Variants in SYNE2 observed in about 807,000 individuals in gnomAD.
The protein encoded by SYNE2 is spectrin repeat containing nuclear envelope protein 2.
A neutral mutation model predicts 856.3 loss-of-function variants in SYNE2; 431 were observed. That is an observed-to-expected ratio of 0.50 (90% CI 0.47 to 0.55). SYNE2 has a LOEUF of 0.55. Among genes scored for constraint, SYNE2 ranks in the 20% least tolerant of loss-of-function variants. The pLI, the probability that SYNE2 is intolerant of heterozygous loss-of-function variation, is 0.00. For missense variants in SYNE2, 8,129 were observed against 8,023.2 expected (o/e 1.01, Z -0.50); for synonymous variants, 2,923 against 2,872.3 (o/e 1.02, Z -0.56).
At chr14:64,097,757 A>G (rs2097689059) in intron 61 of SYNE2, among the ~76,000 whole-genome samples, 192 bp from the exon 62 acceptor site, 1 of 152,220 alleles carries the variant, frequency 6.6e-6, no homozygotes, top group African/African-American at 2.4e-5. Flanking sequence ...TATAGCTTAT[A>G]AACCCTACAC....
intron 1 of SYNE2, among the ~76,000 whole-genome samples, chr14:63,798,611 C>T (rs1888012989): frequency 6.6e-6 from 1 of 152,020 alleles, no homozygotes; most frequent in African/African-American, 2.4e-5. Context: ...CCAGCCTAGT[C>T]TCAAACTCCT....
chr14:63,854,904 A>G (rs1193935891), intron 1 of SYNE2, among the ~76,000 whole-genome samples: 1 of 152,238 alleles, frequency 6.6e-6, no homozygotes, highest in Non-Finnish European at 1.5e-5. Context: ...TCACATTTTA[A>G]TAAGGGAACG....
intron 63 of SYNE2, 24 bp from the exon 64 acceptor site, chr14:64,101,908 C>G (rs774495939): frequency 1.3e-6 from 2 of 1,573,326 alleles, no homozygotes; most frequent in Non-Finnish European, 1.7e-6. Flanking sequence ...CTTCCCTTTG[C>G]TAACCAATCG....
At chr14:63,878,239 T>C (rs1259205208) in intron 1 of SYNE2, among the ~76,000 whole-genome samples, 1 of 152,146 alleles carries the variant, frequency 6.6e-6, no homozygotes. Flanking sequence ...AAATGGCACC[T>C]GTGGCAACGT....
chr14:63,894,937 G>T (rs2095219761), intron 1 of SYNE2, among the ~76,000 whole-genome samples: 1 of 152,048 alleles, frequency 6.6e-6, no homozygotes, highest in South Asian at 2.1e-4. Context: ...AATGATAGTA[G>T]GTCACAAAGT....
rs186002398 is a variant in SYNE2 at position 63,971,083 on chromosome 14, A to G, written c.1128+3237A>G. Among the ~76,000 whole-genome samples, 387 of 148,338 alleles carry G rather than the reference A, an allele frequency of 2.6e-3. 2 individuals carry two copies. The highest frequency in any genetic ancestry group is 8.5e-3 in the African/African-American group (343 of 40,504). On this transcript the variant is annotated intron_variant, in intron 11 of 115. Transcript: ENST00000555002. ...GGTTGCTCTAGGGATTATAATATAC[A>G]TTATAAAATTTTTACAGTCTACTTA...
At chr14:64,090,334 T>C (rs1355179453) in intron 59 of SYNE2, among the ~76,000 whole-genome samples, 1 of 152,194 alleles carries the variant, frequency 6.6e-6, no homozygotes, top group Non-Finnish European at 1.5e-5. Flanking sequence ...TTATATGAGA[T>C]ATGACTTAGT....
In SYNE2 at chr14:64,070,722, C is replaced by G. The variant is rs753946278; in HGVS notation, c.10509C>G (p.Thr3503=). 6.2e-7 allele frequency: 1 copy of G among 1,614,092 alleles called. No homozygotes were observed. Among genetic ancestry groups the G allele is most frequent in the South Asian group, 1.1e-5 (1 of 91,056 alleles). Reference sequence around the variant, plus strand: ...TTTCCAAAACAAAAGAGGCAGCCACCACAGAGGAACTCTCTGAGCTGCTAG... The same window carrying G: ...TTTCCAAAACAAAAGAGGCAGCCACGACAGAGGAACTCTCTGAGCTGCTAG... ...PEISKTKEAA[T]TEELSELLDC... Residue 3503 remains threonine (T), a synonymous_variant, in exon 52 of 116, where the codon ACC becomes ACG. Coordinates refer to ENST00000555002, the MANE Select transcript of SYNE2 (RefSeq NM_182914.3).
In SYNE2 at chr14:63,961,560, A is replaced by G. The variant is rs1483189173; in HGVS notation, c.823A>G (p.Met275Val). Reference protein sequence around the residue: ...DVVDPDEKSIMTYVAQFLQYS... With the variant: ...DVVDPDEKSIVTYVAQFLQYS... ...TGTTGATCCTGATGAAAAGTCCATC[A>G]TGACCTATGTGGCACAGTTTCTGCA... The change falls in exon 9 of 116, where the codon ATG becomes GTG. Residue 275 changes from methionine (M) to valine (V), a missense_variant. Physicochemically the swap from Met to Val is conservative, Grantham distance 21. Transcript: ENST00000555002. The G allele has an allele frequency of 1.9e-6, 3 of 1,613,984 alleles. No individual in the cohort carries two copies. In the African/African-American group the frequency reaches 4.0e-5, roughly 22 times the overall value.
intron 1 of SYNE2, among the ~76,000 whole-genome samples, chr14:63,763,724 G>A (rs937783611): frequency 1.3e-5 from 2 of 152,238 alleles, no homozygotes; most frequent in Middle Eastern, 3.4e-3. Flanking sequence ...GAGTGCAATG[G>A]CATGATTATA....
At chr14:63,998,171 A>T (rs771310687) in intron 25 of SYNE2, 48 bp from the exon 26 acceptor site, 2 of 1,297,852 alleles carry the variant, frequency 1.5e-6, no homozygotes, top group South Asian at 2.4e-5. Context: ...TTTCCAGATA[A>T]AAAGTATGTT....
At chr14:64,017,383 C>T (rs1157718949) in intron 33 of SYNE2, among the ~76,000 whole-genome samples, 1 of 144,678 alleles carries the variant, frequency 6.9e-6, no homozygotes, top group Non-Finnish European at 1.5e-5. Context: ...ATTTCAATTG[C>T]ATATAAGCTA....
intron 7 of SYNE2, 72 bp from the exon 8 acceptor site, chr14:63,954,647 A>G (rs1023973644): frequency 1.5e-6 from 2 of 1,374,524 alleles, no homozygotes; most frequent in Non-Finnish European, 2.0e-6. Context: ...TTTAATTACT[A>G]TTGAATATAG....
intron 28 of SYNE2, 25 bp downstream of exon 28, chr14:64,000,744 A>G (rs772797411): frequency 6.3e-7 from 1 of 1,597,014 alleles, no homozygotes; most frequent in Non-Finnish European, 8.6e-7. Context: ...TCTATTAACT[A>G]TGAATCTAAT....
rs537914013 is a variant in SYNE2 at position 63,893,440 on chromosome 14, C to T, written c.-51-15658C>T. 4.1e-4 allele frequency among the ~76,000 whole-genome samples: 62 copies of T among 152,068 alleles called. 2 individuals carry two copies. The South Asian group carries it at 7.1e-3, about 17-fold the overall frequency. On this transcript the variant is annotated intron_variant, in intron 1 of 115. Coordinates refer to ENST00000555002, the MANE Select transcript of SYNE2 (RefSeq NM_182914.3). ...GAAATTAGCTGGGCGTGGTGGCACA[C>T]GCCTGTAGTCCCATCTACTCAGGAG... is the stretch of plus-strand genomic sequence containing the variant.
intron 82 of SYNE2, 73 bp downstream of exon 82, chr14:64,142,161 A>C (rs2098143533): frequency 6.5e-7 from 1 of 1,543,274 alleles, no homozygotes; most frequent in Admixed American, 1.7e-5. Flanking sequence ...TGCTGGACAA[A>C]GGGACACATA....
rs2153500255 is a variant in SYNE2 at position 63,998,941 on chromosome 14, A to G, written c.3381A>G (p.Glu1127=). 6.2e-7 allele frequency: 1 copy of G among 1,614,132 alleles called. No individual in the cohort carries two copies. The highest frequency in any genetic ancestry group is 1.1e-5 in the South Asian group (1 of 91,084). ...ERYDTYRDIL[E]HHLQNNKFRI... is the part of the protein sequence containing the mutation. The stretch of plus-strand genomic sequence containing the variant: ...ATGATACATACAGAGATATTCTTGA[A>G]CACCACCTGCAAAACAACAAATTCA... Residue 1127 remains glutamate (E), a synonymous_variant, in exon 27 of 116, where the codon GAA becomes GAG. Coordinates refer to ENST00000555002, the MANE Select transcript of SYNE2 (RefSeq NM_182914.3).
At chr14:64,173,951 G>T (rs910387448) in intron 94 of SYNE2, 2 of 697,718 alleles carry the variant, frequency 2.9e-6, no homozygotes, top group Non-Finnish European at 5.2e-6. Context: ...CAGGACCTTC[G>T]CTACTCTCTG....
Position 64,212,883 on chromosome 14 carries a change from C to G in SYNE2, c.18934C>G (p.Gln6312Glu). 6.2e-7 allele frequency: 1 copy of G among 1,614,214 alleles called. No individual in the cohort carries two copies. Among genetic ancestry groups the G allele is most frequent in the South Asian group, 1.1e-5 (1 of 91,088 alleles). ...QLIVFGEQLI[Q>E]KSEPLDAVLI... ...CATTGTGTTTGGGGAGCAGCTGATT[C>G]AGAAGAGCGAGCCCCTGGATGCTGT... Residue 6312 changes from glutamine (Q) to glutamate (E), a missense_variant, in exon 105 of 116, where the codon CAG becomes GAG. Coordinates refer to ENST00000555002, the MANE Select transcript of SYNE2 (RefSeq NM_182914.3).
Sources: allele counts gnomAD v4.1 joint callset (sites outside exome capture counted in the v4.1 genomes callset), GRCh38; gene constraint gnomAD v4.1.1; transcripts MANE v1.5; gene names NCBI Gene and HGNC (gene_info 2026-07-23, HGNC 2026-07-21).